Variants in ACYP2 observed in about 807,000 individuals in gnomAD.
The protein encoded by ACYP2 is acylphosphatase 2, also known as acylphosphatase-2.
Under a neutral mutation model 11.2 loss-of-function variants are expected in ACYP2, and 12 were observed. The observed-to-expected ratio is 1.08, with a 90% CI of 0.69 to 1.74. ACYP2 has a LOEUF of 1.74. ACYP2 is among the 40% of genes most tolerant of loss of function. ACYP2 has a pLI of 0.00. For missense variants in ACYP2, 134 were observed against 101.9 expected, an observed-to-expected ratio of 1.31 and a Z score of -1.35; for synonymous variants, 43 against 32.2, an observed-to-expected ratio of 1.33 and a Z score of -1.13.
intron 6 of ACYP2, among the ~76,000 whole-genome samples, chr2:54,233,345 G>A (rs1374338325): frequency 7.2e-6 from 1 of 138,194 alleles, no homozygotes; most frequent in Non-Finnish European, 1.5e-5. Context: ...CTCACACTGT[G>A]GCCCAAGCTG....
chr2:54,062,499 TATAGG>T (rs1378611728), intron 4 of ACYP2, among the ~76,000 whole-genome samples: 1 of 152,234 alleles, frequency 6.6e-6, no homozygotes, highest in African/African-American at 2.4e-5. Context: ...TTACTTCCTA[TATAGG>T]ATATCATTAA....
At chr2:54,008,223 C>G (rs1673179875) in intron 2 of ACYP2, among the ~76,000 whole-genome samples, 1 of 152,334 alleles carries the variant, frequency 6.6e-6, no homozygotes. Flanking sequence ...AAGCTTAAAA[C>G]ATTCTGCCTA....
chr2:54,280,793 C>T (rs1688815478), intron 6 of ACYP2, among the ~76,000 whole-genome samples: 1 of 152,040 alleles, frequency 6.6e-6, no homozygotes, highest in Non-Finnish European at 1.5e-5. Context: ...TGGGAAGAGA[C>T]ATTGAGTATA....
intron 6 of ACYP2, among the ~76,000 whole-genome samples, chr2:54,187,011 T>G (rs1684036269): frequency 6.6e-6 from 1 of 152,118 alleles, no homozygotes; most frequent in Admixed American, 6.6e-5. Context: ...AAGTTTCAAA[T>G]TAGAATTTTT....
intron 2 of ACYP2, among the ~76,000 whole-genome samples, chr2:54,050,114 T>C (rs765849900): frequency 6.6e-6 from 1 of 152,208 alleles, no homozygotes; most frequent in East Asian, 1.9e-4. Context: ...AAATGACATA[T>C]AAAGAATCAA....
chr2:54,115,909 C>A (rs561294827), intron 4 of ACYP2, among the ~76,000 whole-genome samples, 153 bp downstream of exon 1: 1 of 144,326 alleles, frequency 6.9e-6, no homozygotes, highest in South Asian at 2.1e-4. Context: ...GGGAGGGAGG[C>A]GAAACGCGCA....
chr2:54,002,301 T>C (rs1292050551), intron 2 of ACYP2, among the ~76,000 whole-genome samples: 1 of 152,174 alleles, frequency 6.6e-6, no homozygotes, highest in Non-Finnish European at 1.5e-5. Flanking sequence ...TAGTAGTGTG[T>C]ATTTACATTT....
chr2:53,989,713 CAAGATG>C (rs911711760), intron 2 of ACYP2, among the ~76,000 whole-genome samples: 2 of 152,194 alleles, frequency 1.3e-5, no homozygotes, highest in Non-Finnish European at 2.9e-5. Context: ...TAAGCAATGC[CAAGATG>C]AAGGGATGAT....
intron 2 of ACYP2, among the ~76,000 whole-genome samples, chr2:54,011,538 T>C (rs1673371787): frequency 6.6e-6 from 1 of 152,214 alleles, no homozygotes; most frequent in South Asian, 2.1e-4. Context: ...TTAATCTCTT[T>C]TAAAGTTACA....
At chr2:54,202,559 C>T (rs540900769) in intron 6 of ACYP2, among the ~76,000 whole-genome samples, 1 of 151,302 alleles carries the variant, frequency 6.6e-6, no homozygotes, top group Non-Finnish European at 1.5e-5. Flanking sequence ...TGGTGCCCAC[C>T]AATACGCCTG....
At chr2:54,070,962 G>A (rs906574652) in intron 4 of ACYP2, among the ~76,000 whole-genome samples, 1 of 152,048 alleles carries the variant, frequency 6.6e-6, no homozygotes, top group African/African-American at 2.4e-5. Context: ...ATGTTGCCCA[G>A]GTTGGTCTCA....
chr2:54,095,732 C>T (rs1678514125), intron 4 of ACYP2, among the ~76,000 whole-genome samples: 1 of 122,128 alleles, frequency 8.2e-6, no homozygotes, highest in Non-Finnish European at 1.7e-5. Context: ...CCAGTAGGGG[C>T]GGCCGGGCAG....
intron 6 of ACYP2, among the ~76,000 whole-genome samples, chr2:54,183,404 T>A (rs1461543029): frequency 6.6e-6 from 1 of 152,122 alleles, no homozygotes; most frequent in Non-Finnish European, 1.5e-5. Context: ...ACATGGCTTA[T>A]GCCTGTAATC....
chr2:54,138,711 G>C lies in ACYP2; in HGVS notation c.367G>C (p.Gly123Arg). 1.2e-6 allele frequency: 2 copies of C among 1,614,100 alleles called. No homozygotes were observed. Among genetic ancestry groups the C allele is most frequent in the Non-Finnish European group, 1.7e-6 (2 of 1,179,970 alleles). Residue 123 changes from glycine (G) to arginine (R), a missense_variant, in exon 6 of 7, where the codon GGC (glycine) becomes CGC (arginine). Gly to Arg is a moderately radical substitution (Grantham distance 125). Transcript: ENST00000607452. The stretch of plus-strand genomic sequence containing the variant: ...GAATACCAGCAAAGGCACCGTGACA[G>C]GCCAAGTGCAGGGGCCAGAAGACAA...
intron 4 of ACYP2, among the ~76,000 whole-genome samples, chr2:54,096,639 C>T (rs1678600452): frequency 1.3e-5 from 2 of 152,120 alleles, no homozygotes; most frequent in Admixed American, 6.5e-5. Flanking sequence ...GAGACCAGCC[C>T]GGCCAACACA....
chr2:54,137,231 C>T lies in ACYP2; in HGVS notation c.295-1408C>T, dbSNP rs142769795. Among the ~76,000 whole-genome samples, 48 of 151,816 alleles carry T rather than the reference C, an allele frequency of 3.2e-4. 1 individual carries two copies. The East Asian group carries it at 5.8e-3, about 18-fold the overall frequency. Reference sequence around the variant, plus strand: ...TTTAGTCTTATAAAAACTCTGCAAACCAGCATGTTTATGTTAGTGTTCTTG... The same window carrying T: ...TTTAGTCTTATAAAAACTCTGCAAATCAGCATGTTTATGTTAGTGTTCTTG... On this transcript the variant is annotated intron_variant, in intron 5 of 6. Coordinates refer to ENST00000607452, the MANE Select transcript of ACYP2 (RefSeq NM_001320586.2).
intron 6 of ACYP2, among the ~76,000 whole-genome samples, chr2:54,241,673 G>A (rs557108506): frequency 2.0e-5 from 3 of 152,168 alleles, no homozygotes; most frequent in African/African-American, 7.2e-5. Context: ...TGTTTCACTT[G>A]TATCAGATTT....
intron 2 of ACYP2, among the ~76,000 whole-genome samples, chr2:54,048,677 A>T (rs1675660228): frequency 6.6e-6 from 1 of 152,178 alleles, no homozygotes; most frequent in Non-Finnish European, 1.5e-5. Flanking sequence ...CCATTTTTTA[A>T]GTGTATAGTT....
intron 2 of ACYP2, among the ~76,000 whole-genome samples, chr2:54,014,848 C>G (rs1267959599): frequency 6.6e-6 from 1 of 152,048 alleles, no homozygotes; most frequent in Non-Finnish European, 1.5e-5. Flanking sequence ...CAATCTCGGA[C>G]TCTTGGCCTC....
Sources: allele counts gnomAD v4.1 joint callset (sites outside exome capture counted in the v4.1 genomes callset), GRCh38; gene constraint gnomAD v4.1.1; transcripts MANE v1.5; gene names NCBI Gene and HGNC (gene_info 2026-07-23, HGNC 2026-07-21).